Variants in CAMK1G observed in about 807,000 individuals in gnomAD.
The protein encoded by CAMK1G is calcium/calmodulin-dependent protein kinase type 1G.
Under a neutral mutation model 54.8 loss-of-function variants are expected in CAMK1G, and 27 were observed. That is an observed-to-expected ratio of 0.49 (90% CI 0.36 to 0.68). The LOEUF (loss-of-function observed/expected upper bound fraction) is 0.68, where lower values mean the gene tolerates loss of function less well. Among genes scored for constraint, CAMK1G ranks in the 30% least tolerant of loss-of-function variants. CAMK1G has a pLI of 0.00. For missense variants in CAMK1G, 512 were observed against 591.0 expected (o/e 0.87, Z 1.39); for synonymous variants, 238 against 224.9 (o/e 1.06, Z -0.52).
chr1:209,584,338 C>T (rs1665040950), intron 1 of CAMK1G, among the ~76,000 whole-genome samples: 2 of 152,206 alleles, frequency 1.3e-5, no homozygotes, highest in Non-Finnish European at 2.9e-5. Context: ...GAGTCAGCCT[C>T]AGTCCCTCCT....
chr1:209,602,325 C>T (rs1665550810), intron 3 of CAMK1G, among the ~76,000 whole-genome samples: 1 of 152,090 alleles, frequency 6.6e-6, no homozygotes, highest in South Asian at 2.1e-4. Flanking sequence ...CCCTGAGAGG[C>T]AAAATAGTCC....
chr1:209,592,170 G>A (rs1359055012), intron 1 of CAMK1G, among the ~76,000 whole-genome samples: 1 of 151,830 alleles, frequency 6.6e-6, no homozygotes, highest in African/African-American at 2.4e-5. Context: ...AACAGAGTAA[G>A]ACCCTGTCTT....
In CAMK1G at chr1:209,609,123, C is replaced by T. The variant is rs769196234; in HGVS notation, c.748+31C>T. The T allele has an allele frequency of 1.2e-5, 19 of 1,613,628 alleles. No homozygotes were observed. In the Admixed American group the frequency reaches 1.3e-4, roughly 11 times the overall value. On this transcript the variant is annotated intron_variant, in intron 8 of 12. Coordinates refer to ENST00000361322, the MANE Select transcript of CAMK1G (RefSeq NM_020439.3). ...GCCAGTAGGCATGAAGGAGAGATAA[C>T]AGGCTCAAGGTAGAGGCTGCCAAGA...
intron 10 of CAMK1G, 104 bp from the exon 11 acceptor site, chr1:209,611,688 A>C: frequency 6.7e-7 from 1 of 1,492,698 alleles, no homozygotes; most frequent in Non-Finnish European, 9.1e-7. Context: ...TGAAATGAGA[A>C]GTGGGCACCC....
intron 9 of CAMK1G, among the ~76,000 whole-genome samples, chr1:209,610,769 C>T (rs905806603): frequency 6.6e-6 from 1 of 152,184 alleles, no homozygotes. Flanking sequence ...ATAGCATGAA[C>T]AACACCCGAC....
chr1:209,603,867 T>C (rs1339668353), intron 4 of CAMK1G, among the ~76,000 whole-genome samples: 4 of 152,238 alleles, frequency 2.6e-5, no homozygotes, highest in African/African-American at 7.2e-5. Context: ...TGTGATTGTA[T>C]GTGTCCATCT....
chr1:209,584,786 G>A (rs565982728), intron 1 of CAMK1G, among the ~76,000 whole-genome samples: 3 of 152,290 alleles, frequency 2.0e-5, no homozygotes, highest in Non-Finnish European at 4.4e-5. Flanking sequence ...CAGATCATAA[G>A]CTGAAGACAG....
At chr1:209,602,749 G>T (rs986620593) in intron 3 of CAMK1G, among the ~76,000 whole-genome samples, 3 of 152,128 alleles carry the variant, frequency 2.0e-5, no homozygotes, top group African/African-American at 7.2e-5. Context: ...CATCTCTAAG[G>T]TATATCATTA....
In CAMK1G at chr1:209,603,199, C is replaced by T. The variant is rs767380864; in HGVS notation, c.222-15C>T. The T allele has an allele frequency of 1.2e-6, 2 of 1,613,882 alleles. No individual in the cohort carries two copies. The highest frequency in any genetic ancestry group is 2.7e-5 in the African/African-American group (2 of 74,898). ...TGAACCACATACCTTTCATCATGCA[C>T]TTTATTTTTCCCAGGATCAAGCATG... On this transcript the variant is annotated splice_polypyrimidine_tract_variant and intron_variant, in intron 3 of 12. Coordinates refer to ENST00000361322, the MANE Select transcript of CAMK1G (RefSeq NM_020439.3).
intron 2 of CAMK1G, among the ~76,000 whole-genome samples, chr1:209,595,314 C>T (rs185231954): frequency 9.2e-5 from 14 of 152,202 alleles, no homozygotes; most frequent in East Asian, 1.9e-4. Flanking sequence ...CCAAGCTACA[C>T]GGGAGGCTGA....
chr1:209,599,960 A>G, intron 2 of CAMK1G, 23 bp from the exon 3 acceptor site: 4 of 1,611,490 alleles, frequency 2.5e-6, no homozygotes, highest in Non-Finnish European at 3.4e-6. Flanking sequence ...ACTAAGTTTT[A>G]TCTTTTGGTG....
intron 1 of CAMK1G, among the ~76,000 whole-genome samples, chr1:209,593,581 C>G (rs890499736): frequency 4.6e-5 from 7 of 152,180 alleles, no homozygotes; most frequent in Admixed American, 3.9e-4. Flanking sequence ...AGGGCACCCC[C>G]CAACCAACCC....
At chr1:209,600,211 G>A in intron 3 of CAMK1G, 100 bp downstream of exon 3, 3 of 1,401,564 alleles carry the variant, frequency 2.1e-6, no homozygotes, top group South Asian at 2.6e-5. Flanking sequence ...TGCACCCAAA[G>A]GCATTGCTCA....
At chr1:209,610,264 G>T (rs1315030153) in intron 9 of CAMK1G, among the ~76,000 whole-genome samples, 1 of 152,198 alleles carries the variant, frequency 6.6e-6, no homozygotes, top group Non-Finnish European at 1.5e-5. Context: ...CTGTCCTTTA[G>T]AGCTTTGTTT....
intron 2 of CAMK1G, among the ~76,000 whole-genome samples, chr1:209,596,805 A>G (rs1371658948): frequency 1.3e-5 from 2 of 152,176 alleles, no homozygotes; most frequent in African/African-American, 4.8e-5. Flanking sequence ...TTTCACATAT[A>G]TCTACAATAT....
chr1:209,586,683 C>A (rs530306431), intron 1 of CAMK1G, among the ~76,000 whole-genome samples: 9 of 152,122 alleles, frequency 5.9e-5, no homozygotes, highest in Non-Finnish European at 8.8e-5. Context: ...CCCATTGAAG[C>A]ATTAGCCCTC....
rs1213345049 is a variant in CAMK1G, at chr1:209,599,991, T to C, written c.101T>C (p.Phe34Ser). Reference protein sequence around the residue: ...IFMEVLGSGAFSEVFLVKQRL... With the variant: ...IFMEVLGSGASSEVFLVKQRL... ...TGGTGTCTTCTCCTCAGAGGAGCTT[T>C]CTCAGAAGTTTTCCTGGTGAAGCAA... is the stretch of plus-strand genomic sequence containing the variant. The change falls in exon 3 of 13, where the codon TTC becomes TCC. Residue 34 changes from phenylalanine to serine, a missense_variant. By Grantham distance (155) the Phe-to-Ser change is radical (BLOSUM62 -2). Transcript: ENST00000361322. 6 of 1,613,560 alleles carry C rather than the reference T, an allele frequency of 3.7e-6. No individual in the cohort carries two copies. The highest frequency in any genetic ancestry group is 5.1e-6 in the Non-Finnish European group (6 of 1,179,742).
At chr1:209,593,711 C>T (rs1489364503) in intron 1 of CAMK1G, among the ~76,000 whole-genome samples, 1 of 152,182 alleles carries the variant, frequency 6.6e-6, no homozygotes, top group Non-Finnish European at 1.5e-5. Flanking sequence ...TCATCATTCT[C>T]TCCTTCACTC....
At chr1:209,612,967 C>A in intron 12 of CAMK1G, 55 bp downstream of exon 12, 1 of 937,924 alleles carries the variant, frequency 1.1e-6, no homozygotes. Flanking sequence ...AGAGGAGAGC[C>A]CCATGCCAGA....
Sources: allele counts gnomAD v4.1 joint callset (sites outside exome capture counted in the v4.1 genomes callset), GRCh38; gene constraint gnomAD v4.1.1; transcripts MANE v1.5; gene names NCBI Gene and HGNC (gene_info 2026-07-23, HGNC 2026-07-21).